The following ABHD5 variants were observed in gnomAD, a reference collection of about 807,000 sequenced individuals.
The protein encoded by ABHD5 is abhydrolase domain containing 5, lysophosphatidic acid acyltransferase, also known as 1-acylglycerol-3-phosphate O-acyltransferase ABHD5.
ABHD5 carries 30 observed loss-of-function variants against 44.9 expected under a neutral mutation model. The ratio of observed to expected loss-of-function variants is 0.67; its 90% CI spans 0.50 to 0.91. The LOEUF is 0.91. Ranked by LOEUF, ABHD5 falls within the 40% of genes least tolerant of loss-of-function variation. ABHD5 has a pLI of 0.00. For missense variants in ABHD5, 399 were observed against 423.4 expected, an observed-to-expected ratio of 0.94 and a Z score of 0.50; for synonymous variants, 167 against 147.0, an observed-to-expected ratio of 1.14 and a Z score of -0.99.
In ABHD5 at chr3:43,733,033, G is replaced by C. The variant is rs1076414; in HGVS notation, c.*30-847G>C. Among the ~76,000 whole-genome samples the C allele has an allele frequency of 3.1e-3, 478 of 152,324 alleles. 2 individuals are homozygous for C. Among genetic ancestry groups the C allele is most frequent in the African/African-American group, 0.011 (462 of 41,570 alleles). On this transcript the variant is annotated intron_variant, in intron 7 of 7. Transcript: ENST00000454293. ...TCCTTCATCAAAGCATGTAAACCAA[G>C]AAGGCAGTGGAGAGTCTAACAAGAC...
intron 1 of ABHD5, among the ~76,000 whole-genome samples, chr3:43,692,318 A>T (rs957906815): frequency 6.6e-6 from 1 of 152,232 alleles, no homozygotes; most frequent in African/African-American, 2.4e-5. Flanking sequence ...CACTGAGGTG[A>T]AATGTTGAAT....
In ABHD5 at chr3:43,718,736, C is replaced by T; in HGVS notation, c.*204C>T. The T allele has an allele frequency of 1.7e-6, 1 of 575,208 alleles. No individual in the cohort carries two copies. Among genetic ancestry groups the T allele is most frequent in the Non-Finnish European group, 3.1e-6 (1 of 319,994 alleles). 35.6% of individuals were successfully genotyped at this position (575,208 alleles called of 1,614,324 possible). A position where few individuals can be genotyped will look rare whatever the true frequency, so the allele number is the denominator to read the frequency against. On this transcript the variant is annotated 3_prime_UTR_variant, in exon 7 of 7. Coordinates refer to ENST00000644371, the MANE Select transcript of ABHD5 (RefSeq NM_016006.6). ...AAGAATGGCTTTCCTTTCTCCTACA[C>T]AAAATTGAAATATACAAGTCTCTAA...
chr3:43,691,605 C>G (rs959054058), intron 1 of ABHD5: 1 of 152,348 alleles, frequency 6.6e-6, no homozygotes, highest in African/African-American at 2.4e-5. Context: ...ATTAGAGGCC[C>G]GAATTCGCCC....
chr3:43,694,525 A>C (rs1334662663), intron 1 of ABHD5, among the ~76,000 whole-genome samples: 4 of 152,126 alleles, frequency 2.6e-5, no homozygotes, highest in African/African-American at 7.2e-5. Flanking sequence ...AATGTCACTG[A>C]CTTGTTAAGT....
In ABHD5 at chr3:43,721,321, T is replaced by C. The variant is rs1295860602; in HGVS notation, c.*2789T>C. On this transcript the variant is annotated 3_prime_UTR_variant, in exon 7 of 7. Transcript: ENST00000644371. Reference sequence around the variant, plus strand: ...TAGAACAAAGACCCAATTTTTAAAATGAAACCCTCTTTCTAACTAGAAGAA... The same window carrying C: ...TAGAACAAAGACCCAATTTTTAAAACGAAACCCTCTTTCTAACTAGAAGAA... The C allele has an allele frequency of 6.6e-6, 1 of 152,080 alleles. No homozygotes were observed. Among genetic ancestry groups the C allele is most frequent in the African/African-American group, 2.4e-5 (1 of 41,436 alleles). 9.4% of individuals were successfully genotyped at this position (152,080 alleles called of 1,614,324 possible).
At chr3:43,695,345 T>C (rs1047180605) in intron 1 of ABHD5, among the ~76,000 whole-genome samples, 1 of 152,216 alleles carries the variant, frequency 6.6e-6, no homozygotes, top group African/African-American at 2.4e-5. Context: ...TGTAATTCAT[T>C]TGGATATTTA....
chr3:43,714,708 A>T (rs1012795378), intron 4 of ABHD5, among the ~76,000 whole-genome samples: 2 of 152,166 alleles, frequency 1.3e-5, no homozygotes, highest in Admixed American at 6.5e-5. Context: ...CCTAAAGTAC[A>T]TCTGCAAGTC....
At chr3:43,696,905 T>G (rs1320349282) in intron 1 of ABHD5, among the ~76,000 whole-genome samples, 1 of 151,986 alleles carries the variant, frequency 6.6e-6, no homozygotes, top group Non-Finnish European at 1.5e-5. Flanking sequence ...AAAACCCACT[T>G]TAAAAAATCA....
intron 4 of ABHD5, among the ~76,000 whole-genome samples, chr3:43,714,435 C>G (rs193003747): frequency 6.6e-4 from 101 of 152,126 alleles, no homozygotes; most frequent in African/African-American, 2.4e-3. Flanking sequence ...GCCTGGGTGT[C>G]CTCGGCTTTT....
At chr3:43,710,357 T>C (rs1483794413) in intron 3 of ABHD5, among the ~76,000 whole-genome samples, 1 of 152,256 alleles carries the variant, frequency 6.6e-6, no homozygotes, top group African/African-American at 2.4e-5. Flanking sequence ...GTCTCTCTTA[T>C]GTTGATTAGC....
At chr3:43,706,739 T>C (rs1388470655) in intron 3 of ABHD5, among the ~76,000 whole-genome samples, 1 of 152,226 alleles carries the variant, frequency 6.6e-6, no homozygotes, top group Non-Finnish European at 1.5e-5. Context: ...TGAGACACCG[T>C]GCTCAGCTGA....
rs973032054 is a variant in ABHD5 at position 43,721,032 on chromosome 3, A to G, written c.*2500A>G. ...ACTTAAAGGGCCATACGCGATTTCA[A>G]TAAAACAAGAAGTACTGGAAAGAAT... On this transcript the variant is annotated 3_prime_UTR_variant, in exon 7 of 7. Transcript: ENST00000644371. 6.6e-6 allele frequency: 1 copy of G among 152,332 alleles called. No individual in the cohort carries two copies. The highest frequency in any genetic ancestry group is 2.1e-4 in the South Asian group (1 of 4,834). The allele number at this position is 152,332 out of a possible 1,614,324, so 9.4% of individuals were successfully genotyped here. A position where few individuals can be genotyped will look rare whatever the true frequency, so the allele number is the denominator to read the frequency against.
chr3:43,716,458 C>G (rs2084763897), intron 5 of ABHD5, among the ~76,000 whole-genome samples: 1 of 152,138 alleles, frequency 6.6e-6, no homozygotes, highest in Non-Finnish European at 1.5e-5. Flanking sequence ...GAGACAGCCT[C>G]CCTCTCTTTT....
chr3:43,717,852 A>G lies in ABHD5; in HGVS notation c.955A>G (p.Thr319Ala), dbSNP rs1575607414. 1.2e-6 allele frequency: 2 copies of G among 1,614,158 alleles called. No homozygotes were observed. Among genetic ancestry groups the G allele is most frequent in the Non-Finnish European group, 1.7e-6 (2 of 1,180,000 alleles). ...CTTACGACCACATTCATATGTGAAG[A>G]CAATAGTAAGTGTGTGGCTTGATTT... is the stretch of plus-strand genomic sequence containing the variant. ...QSLRPHSYVK[T>A]IAILGAGHYV... Residue 319 changes from threonine (T) to alanine (A), a missense_variant, in exon 6 of 7, where the codon ACA becomes GCA. By Grantham distance (58) the Thr-to-Ala change is moderately conservative (BLOSUM62 0). Coordinates refer to ENST00000644371, the MANE Select transcript of ABHD5 (RefSeq NM_016006.6).
At position 43,718,453 on chromosome 3, in the gene ABHD5, G is replaced by A; in HGVS notation, c.971G>A (p.Gly324Glu). 1 of 1,613,824 alleles carries A rather than the reference G, an allele frequency of 6.2e-7. No individual in the cohort carries two copies. The highest frequency in any genetic ancestry group is 8.5e-7 in the Non-Finnish European group (1 of 1,179,936). Residue 324 changes from glycine (G) to glutamate (E), a missense_variant, in exon 7 of 7, where the codon GGG becomes GAG. By Grantham distance (98) the Gly-to-Glu change is moderately conservative. Coordinates refer to ENST00000644371, the MANE Select transcript of ABHD5 (RefSeq NM_016006.6). ...CTTTTCCTTATCCAGGCTATTCTTG[G>A]GGCAGGACATTATGTATATGCAGAT... is the stretch of plus-strand genomic sequence containing the variant. ...HSYVKTIAILGAGHYVYADQP... is the reference protein window; with the variant it reads ...HSYVKTIAILEAGHYVYADQP...
At chr3:43,692,111 T>G (rs1285599153) in intron 1 of ABHD5, among the ~76,000 whole-genome samples, 6 of 152,222 alleles carry the variant, frequency 3.9e-5, no homozygotes, top group Admixed American at 1.3e-4. Context: ...TATATTTAAT[T>G]TTTTGACGTC....
In ABHD5 at chr3:43,721,694, A is replaced by G. The variant is rs1319293029; in HGVS notation, c.*3162A>G. 1 of 152,124 alleles carries G rather than the reference A, an allele frequency of 6.6e-6. No individual in the cohort carries two copies. The highest frequency in any genetic ancestry group is 6.6e-5 in the Admixed American group (1 of 15,256). The allele number at this position is 152,124 out of a possible 1,614,324, so 9.4% of individuals were successfully genotyped here. A position where few individuals can be genotyped will look rare whatever the true frequency, so the allele number is the denominator to read the frequency against. ...CTGCACTCCAGCCTGGGTGACAGAGAAGAAAAAAGATTTTTTTGGATAGCT... is the reference window on the plus strand; with the variant it reads ...CTGCACTCCAGCCTGGGTGACAGAGGAGAAAAAAGATTTTTTTGGATAGCT... On this transcript the variant is annotated 3_prime_UTR_variant, in exon 7 of 7. Transcript: ENST00000644371.
downstream of ABHD5, among the ~76,000 whole-genome samples, chr3:43,724,162 TA>T (rs1411274179): frequency 1.3e-5 from 2 of 152,054 alleles, no homozygotes; most frequent in Admixed American, 1.3e-4. Context: ...CTTTAAAGAA[TA>T]AAAAATAGGA....
rs539028911 is a variant in ABHD5, at chr3:43,718,466, T to C, written c.984T>C (p.Tyr328=). 4 of 1,614,146 alleles carry C rather than the reference T, an allele frequency of 2.5e-6. No individual in the cohort carries two copies. The highest frequency in any genetic ancestry group is 1.7e-5 in the Admixed American group (1 of 60,022). Reference sequence around the variant, plus strand: ...AGGCTATTCTTGGGGCAGGACATTATGTATATGCAGATCAACCAGAAGAAT... The same window carrying C: ...AGGCTATTCTTGGGGCAGGACATTACGTATATGCAGATCAACCAGAAGAAT... ...KTIAILGAGH[Y]VYADQPEEFN... is the part of the protein sequence containing the mutation. The change falls in exon 7 of 7, where the codon TAT becomes TAC. Residue 328 remains tyrosine (Y), a synonymous_variant. Coordinates refer to ENST00000644371, the MANE Select transcript of ABHD5 (RefSeq NM_016006.6).
Sources: allele counts gnomAD v4.1 joint callset (sites outside exome capture counted in the v4.1 genomes callset), GRCh38; gene constraint gnomAD v4.1.1; transcripts MANE v1.5; gene names NCBI Gene and HGNC (gene_info 2026-07-23, HGNC 2026-07-21).